The following NRG1 variants were observed in gnomAD, a reference collection of about 807,000 sequenced individuals.
The protein encoded by NRG1 is neuregulin 1.
Under a neutral mutation model 63.8 loss-of-function variants are expected in NRG1, and 18 were observed. The ratio of observed to expected loss-of-function variants is 0.28; its 90% CI spans 0.19 to 0.42. The LOEUF (loss-of-function observed/expected upper bound fraction) is 0.42, where lower values mean the gene tolerates loss of function less well. NRG1 is among the 10% of genes least tolerant of loss of function. The pLI, the probability that NRG1 is intolerant of heterozygous loss-of-function variation, is 1.00. For synonymous variants in NRG1, 302 were observed against 301.3 expected (o/e 1.00, Z -0.02); for missense variants, 762 against 814.7 (o/e 0.94, Z 0.79).
intron 1 of NRG1, among the ~76,000 whole-genome samples, chr8:31,746,630 C>T (rs187617313): frequency 2.6e-5 from 4 of 152,004 alleles, no homozygotes; most frequent in South Asian, 2.1e-4. Flanking sequence ...ATAGAGCTAC[C>T]GTATGATCCA....
At chr8:32,700,065 C>G (rs1385441712) in intron 5 of NRG1, among the ~76,000 whole-genome samples, 1 of 152,114 alleles carries the variant, frequency 6.6e-6, no homozygotes, top group Admixed American at 6.6e-5. Context: ...AAACCTCATA[C>G]CCATTAGCAG....
chr8:32,073,582 TA>T (rs1443234109), intron 1 of NRG1, among the ~76,000 whole-genome samples: 1 of 152,158 alleles, frequency 6.6e-6, no homozygotes, highest in African/African-American at 2.4e-5. Context: ...ATGATGTGTC[TA>T]ATACCACCGT....
chr8:32,369,160 C>T (rs2129482581), intron 1 of NRG1, among the ~76,000 whole-genome samples: 1 of 152,342 alleles, frequency 6.6e-6, no homozygotes, highest in Admixed American at 6.5e-5. Context: ...CCGTGGCCTC[C>T]TCCTTACAGG....
intron 1 of NRG1, among the ~76,000 whole-genome samples, chr8:32,314,474 C>G (rs1009651482): frequency 6.6e-6 from 1 of 152,164 alleles, no homozygotes; most frequent in Admixed American, 6.5e-5. Flanking sequence ...TGCTATTACC[C>G]TCCTCGGTTG....
chr8:32,322,373 A>ATATG (rs1471715223), intron 1 of NRG1, among the ~76,000 whole-genome samples: 1 of 150,508 alleles, frequency 6.6e-6, no homozygotes, highest in Non-Finnish European at 1.5e-5. Flanking sequence ...ATATATATAT[A>ATATG]TATACCCATT....
At chr8:32,606,036 T>C (rs1437949068) in intron 3 of NRG1, among the ~76,000 whole-genome samples, 1 of 151,288 alleles carries the variant, frequency 6.6e-6, no homozygotes, top group Admixed American at 6.6e-5. Flanking sequence ...GTCATATATA[T>C]ATACAGGATA....
At chr8:31,800,123 G>A in intron 1 of NRG1, among the ~76,000 whole-genome samples, 1 of 152,058 alleles carries the variant, frequency 6.6e-6, no homozygotes, top group South Asian at 2.1e-4. Context: ...TAATTTGTTT[G>A]ATGATATTTT....
intron 1 of NRG1, among the ~76,000 whole-genome samples, chr8:32,266,069 G>A (rs1456901907): frequency 6.6e-6 from 1 of 152,044 alleles, no homozygotes; most frequent in Non-Finnish European, 1.5e-5. Flanking sequence ...ACTAAGAGAT[G>A]ATTGTCCATT....
At chr8:31,713,109 A>ATTTTTT (rs11304829) in intron 1 of NRG1, among the ~76,000 whole-genome samples, 1 of 86,042 alleles carries the variant, frequency 1.2e-5, no homozygotes, top group Non-Finnish European at 2.4e-5. Context: ...ACTCCTTCTA[A>ATTTTTT]TTTTTTTTTT....
intron 1 of NRG1, among the ~76,000 whole-genome samples, chr8:32,245,549 A>G (rs915335814): frequency 6.6e-6 from 1 of 152,152 alleles, no homozygotes; most frequent in African/African-American, 2.4e-5. Flanking sequence ...TGGCTAAGAG[A>G]TAATTATGTC....
intron 1 of NRG1, among the ~76,000 whole-genome samples, chr8:32,006,955 T>A (rs1813878612): frequency 6.6e-6 from 1 of 151,760 alleles, no homozygotes; most frequent in Non-Finnish European, 1.5e-5. Context: ...AGACAATAAA[T>A]ATAGCATCTA....
At chr8:32,177,995 C>T (rs909451927) in intron 1 of NRG1, among the ~76,000 whole-genome samples, 1 of 151,848 alleles carries the variant, frequency 6.6e-6, no homozygotes, top group Non-Finnish European at 1.5e-5. Flanking sequence ...GGAGGGCTCT[C>T]TGGAATTGTA....
At chr8:31,678,171 C>A (rs966284585) in intron 1 of NRG1, among the ~76,000 whole-genome samples, 2 of 152,038 alleles carry the variant, frequency 1.3e-5, no homozygotes, top group South Asian at 2.1e-4. Flanking sequence ...GCTCACAGGG[C>A]AGCATTTTCT....
chr8:32,426,947 C>T (rs1364595107), intron 1 of NRG1, among the ~76,000 whole-genome samples: 2 of 151,860 alleles, frequency 1.3e-5, no homozygotes, highest in African/African-American at 4.8e-5. Flanking sequence ...AGTTATACTA[C>T]ATTTTCGCAA....
chr8:32,103,004 GTATCCATC>G (rs1830768437), intron 1 of NRG1, among the ~76,000 whole-genome samples: 1 of 151,908 alleles, frequency 6.6e-6, no homozygotes, highest in South Asian at 2.1e-4. Flanking sequence ...GGAAAATGGG[GTATCCATC>G]TCCTCAAGCA....
chr8:32,492,137 A>G (rs1417955926), intron 1 of NRG1, among the ~76,000 whole-genome samples: 4 of 152,052 alleles, frequency 2.6e-5, no homozygotes. Flanking sequence ...GAAAAAAAAA[A>G]ACATTTTTTT....
At chr8:32,137,704 A>G (rs567577927) in intron 1 of NRG1, among the ~76,000 whole-genome samples, 17 of 151,822 alleles carry the variant, frequency 1.1e-4, no homozygotes, top group Non-Finnish European at 2.2e-4. Flanking sequence ...TTCCTTGATA[A>G]CCCCTGATGC....
chr8:32,543,150 C>T (rs145546901), intron 1 of NRG1, among the ~76,000 whole-genome samples: 48 of 152,176 alleles, frequency 3.2e-4, no homozygotes, highest in African/African-American at 1.1e-3. Context: ...TAAATGGATA[C>T]AAGGTTATAT....
intron 1 of NRG1, among the ~76,000 whole-genome samples, chr8:31,725,632 A>C (rs948792155): frequency 6.6e-6 from 1 of 152,218 alleles, no homozygotes; most frequent in Non-Finnish European, 1.5e-5. Context: ...CTTTATAATA[A>C]AGAAAGCAAC....
Sources: allele counts gnomAD v4.1 joint callset (sites outside exome capture counted in the v4.1 genomes callset), GRCh38; gene constraint gnomAD v4.1.1; transcripts MANE v1.5; gene names NCBI Gene and HGNC (gene_info 2026-07-23, HGNC 2026-07-21).